BTBD9: variants seen among roughly 807,000 people sequenced by gnomAD.
BTBD9 encodes the protein BTB/POZ domain-containing protein 9.
A neutral mutation model predicts 64.3 loss-of-function variants in BTBD9; 49 were observed. The ratio of observed to expected loss-of-function variants is 0.76; its 90% CI spans 0.61 to 0.97. BTBD9 has a LOEUF of 0.97. BTBD9 is among the 50% of genes least tolerant of loss of function. The probability of loss-of-function intolerance (pLI) is 0.00; values close to 1 mark genes in which losing one functional copy is unlikely to be tolerated. For synonymous variants in BTBD9, 260 were observed against 274.7 expected, an observed-to-expected ratio of 0.95 and a Z score of 0.53; for missense variants, 598 against 762.1, an observed-to-expected ratio of 0.78 and a Z score of 2.53.
At chr6:38,535,747 T>G (rs1252050013) in intron 6 of BTBD9, among the ~76,000 whole-genome samples, 1 of 151,966 alleles carries the variant, frequency 6.6e-6, no homozygotes, top group African/African-American at 2.4e-5. Context: ...GCCAAACACA[T>G]ACACTGGGAA....
intron 6 of BTBD9, among the ~76,000 whole-genome samples, chr6:38,449,095 T>A (rs565988731): frequency 6.6e-6 from 1 of 152,148 alleles, no homozygotes; most frequent in Non-Finnish European, 1.5e-5. Context: ...AGGACCTGCA[T>A]CTGTTCAGCT....
intron 6 of BTBD9, among the ~76,000 whole-genome samples, chr6:38,401,592 G>T (rs1481792026): frequency 1.3e-5 from 2 of 152,200 alleles, no homozygotes; most frequent in East Asian, 3.8e-4. Flanking sequence ...CCCTGGTAAA[G>T]AGACAAGAAG....
At chr6:38,339,912 T>A (rs1049671117) in intron 7 of BTBD9, among the ~76,000 whole-genome samples, 1 of 152,188 alleles carries the variant, frequency 6.6e-6, no homozygotes, top group Non-Finnish European at 1.5e-5. Flanking sequence ...TACTGTATAT[T>A]TCTAGAGACA....
chr6:38,326,018 C>T (rs1332670199), intron 7 of BTBD9, among the ~76,000 whole-genome samples: 1 of 152,102 alleles, frequency 6.6e-6, no homozygotes, highest in African/African-American at 2.4e-5. Flanking sequence ...AAGAAAAAAA[C>T]TCCACATCTA....
intron 9 of BTBD9, among the ~76,000 whole-genome samples, chr6:38,253,408 C>T (rs929887106): frequency 6.6e-6 from 1 of 152,168 alleles, no homozygotes; most frequent in Non-Finnish European, 1.5e-5. Context: ...CTCACTATCA[C>T]AAGGACAGCA....
chr6:38,285,069 C>T (rs2127553480), intron 8 of BTBD9, among the ~76,000 whole-genome samples: 1 of 152,188 alleles, frequency 6.6e-6, no homozygotes, highest in East Asian at 1.9e-4. Flanking sequence ...TCTTAAATGC[C>T]TTAGTCTGAA....
In BTBD9 at chr6:38,551,202, T is replaced by C. The variant is rs372261849; in HGVS notation, c.1154+26398A>G. On this transcript the variant is annotated intron_variant, in intron 6 of 10. Coordinates refer to ENST00000481247, the MANE Select transcript of BTBD9 (RefSeq NM_001099272.2). Reference sequence around the variant, plus strand: ...GACAGACATGTTGTCCAATCTGTACTTCACTGAATCTTCAATACCTACAAT... The same window carrying C: ...GACAGACATGTTGTCCAATCTGTACCTCACTGAATCTTCAATACCTACAAT... 3.3e-5 allele frequency among the ~76,000 whole-genome samples: 5 copies of C among 152,230 alleles called. No homozygotes were observed. In the East Asian group the frequency reaches 9.6e-4, roughly 29 times the overall value.
chr6:38,273,786 G>A (rs1419151003), intron 8 of BTBD9, among the ~76,000 whole-genome samples: 1 of 152,204 alleles, frequency 6.6e-6, no homozygotes. Flanking sequence ...GAGAGAAAAG[G>A]ATGGATCTGC....
At chr6:38,231,240 A>G (rs1763594588) in intron 9 of BTBD9, among the ~76,000 whole-genome samples, 1 of 152,240 alleles carries the variant, frequency 6.6e-6, no homozygotes, top group African/African-American at 2.4e-5. Context: ...AAAGAATCAA[A>G]TTGAATTACC....
rs1766738089 is a variant in BTBD9, at chr6:38,171,083, T to C, written c.*3902A>G. On this transcript the variant is annotated 3_prime_UTR_variant, in exon 11 of 11. Coordinates refer to ENST00000481247, the MANE Select transcript of BTBD9 (RefSeq NM_001099272.2). ...TCTGTGAGGGGAGCGCTCCATCTCT[T>C]TATCACCAAGTGGCCTCAGTACACA... 1 of 152,242 alleles carries C rather than the reference T, an allele frequency of 6.6e-6. No homozygotes were observed. Among genetic ancestry groups the C allele is most frequent in the Non-Finnish European group, 1.5e-5 (1 of 68,034 alleles). The allele number at this position is 152,242 out of a possible 1,614,324, so 9.4% of individuals were successfully genotyped here.
chr6:38,399,513 A>G (rs1238549850), intron 6 of BTBD9, among the ~76,000 whole-genome samples: 1 of 152,192 alleles, frequency 6.6e-6, no homozygotes, highest in African/African-American at 2.4e-5. Flanking sequence ...ACTAATAAAT[A>G]ATTTAAATTC....
chr6:38,293,790 C>A (rs1032507795), intron 7 of BTBD9, among the ~76,000 whole-genome samples: 1 of 152,142 alleles, frequency 6.6e-6, no homozygotes, highest in African/African-American at 2.4e-5. Context: ...ACACGAAAAA[C>A]AATGGCAACA....
At chr6:38,563,555 C>G (rs925935198) in intron 6 of BTBD9, among the ~76,000 whole-genome samples, 2 of 152,104 alleles carry the variant, frequency 1.3e-5, no homozygotes, top group Admixed American at 6.5e-5. Context: ...TTCCTAGGAG[C>G]TGCATTTTTG....
chr6:38,619,190 C>T (rs985701985), intron 1 of BTBD9, among the ~76,000 whole-genome samples: 4 of 152,114 alleles, frequency 2.6e-5, no homozygotes, highest in Admixed American at 2.0e-4. Flanking sequence ...AAGTTTATTA[C>T]CCAGTCAGCC....
chr6:38,561,848 G>A (rs1290509504), intron 6 of BTBD9, among the ~76,000 whole-genome samples: 3 of 152,048 alleles, frequency 2.0e-5, no homozygotes, highest in Non-Finnish European at 4.4e-5. Flanking sequence ...CTGGGTGACA[G>A]GACCATTTGT....
At chr6:38,201,834 AT>A (rs1409231373) in intron 9 of BTBD9, among the ~76,000 whole-genome samples, 1 of 152,218 alleles carries the variant, frequency 6.6e-6, no homozygotes, top group Non-Finnish European at 1.5e-5. Context: ...AGGCAATCCC[AT>A]TTACAATAGC....
intron 10 of BTBD9, among the ~76,000 whole-genome samples, chr6:38,183,171 G>A (rs530063159): frequency 6.6e-6 from 1 of 152,196 alleles, no homozygotes; most frequent in East Asian, 1.9e-4. Context: ...TAGTAGAGAT[G>A]GGGTTTCACC....
At chr6:38,464,591 G>A (rs1770258466) in intron 6 of BTBD9, among the ~76,000 whole-genome samples, 1 of 152,042 alleles carries the variant, frequency 6.6e-6, no homozygotes, top group Admixed American at 6.6e-5. Context: ...CACTTCCTGG[G>A]CTCAAGCGAT....
At chr6:38,320,481 G>A (rs574034858) in intron 7 of BTBD9, among the ~76,000 whole-genome samples, 1 of 152,224 alleles carries the variant, frequency 6.6e-6, no homozygotes, top group African/African-American at 2.4e-5. Context: ...TTATGCGGGA[G>A]GAAAACAGCT....
Sources: gnomAD v4.1 joint callset for allele counts (sites outside exome capture counted in the v4.1 genomes callset) on GRCh38, gnomAD v4.1.1 for gene constraint, MANE v1.5 for transcripts, NCBI Gene and HGNC (gene_info 2026-07-23, HGNC 2026-07-21) for gene names.